Variants in ACAA2 observed in about 807,000 individuals in gnomAD.
The protein encoded by ACAA2 is 3-ketoacyl-CoA thiolase, mitochondrial.
A neutral mutation model predicts 44.8 loss-of-function variants in ACAA2; 35 were observed. The ratio of observed to expected loss-of-function variants is 0.78; its 90% CI spans 0.60 to 1.04. ACAA2 has a LOEUF of 1.04. Ranked by LOEUF, ACAA2 falls within the 50% of genes least tolerant of loss-of-function variation. The probability of loss-of-function intolerance (pLI) is 0.00; values close to 1 mark genes in which losing one functional copy is unlikely to be tolerated. For missense variants in ACAA2, 468 were observed against 482.6 expected, an observed-to-expected ratio of 0.97 and a Z score of 0.28; for synonymous variants, 142 against 166.5, an observed-to-expected ratio of 0.85 and a Z score of 1.13.
chr18:49,799,508 C>G (rs1214226445), intron 2 of ACAA2, among the ~76,000 whole-genome samples: 1 of 152,238 alleles, frequency 6.6e-6, no homozygotes, highest in Non-Finnish European at 1.5e-5. Context: ...GAGTCTTGTT[C>G]ACTCAGTGCT....
Position 49,813,510 on chromosome 18 carries a change from C to G in ACAA2, c.-26G>C, listed in dbSNP as rs1014633680. 1 of 1,239,336 alleles carries G rather than the reference C, an allele frequency of 8.1e-7. No individual in the cohort carries two copies. The highest frequency in any genetic ancestry group is 1.6e-5 in the African/African-American group (1 of 64,404). 76.8% of individuals were successfully genotyped at this position (1,239,336 alleles called of 1,614,324 possible). ...GGCGGCTGCTGGGTCGTCGGCGGCG[C>G]GGGTCTGTGGTGTGGGGGACGCTGA... On this transcript the variant is annotated 5_prime_UTR_variant, in exon 1 of 10. Coordinates refer to ENST00000285093, the MANE Select transcript of ACAA2 (RefSeq NM_006111.3).
intron 5 of ACAA2, among the ~76,000 whole-genome samples, 182 bp downstream of exon 5, chr18:49,794,098 C>T (rs1231420524): frequency 6.6e-6 from 1 of 151,986 alleles, no homozygotes; most frequent in Non-Finnish European, 1.5e-5. Context: ...AAGAGAAATT[C>T]CTAGTTAATT....
intron 2 of ACAA2, among the ~76,000 whole-genome samples, chr18:49,798,764 G>C (rs2143964669): frequency 6.6e-6 from 1 of 152,176 alleles, no homozygotes; most frequent in East Asian, 1.9e-4. Flanking sequence ...TGTTGACTGA[G>C]ATGAAATTAT....
Position 49,783,181 on chromosome 18 carries a change from T to TAA in ACAA2, c.*664_*665dup, listed in dbSNP as rs894912122. ...TGAATCTTGAGAACATTATATAAAG[T>TAA]AAAGTAAAATAAGCCAGTCACGAAA... On this transcript the variant is annotated 3_prime_UTR_variant, in exon 10 of 10. Transcript: ENST00000285093. The TAA allele has an allele frequency of 6.6e-6, 1 of 152,250 alleles. No individual in the cohort carries two copies. Among genetic ancestry groups the TAA allele is most frequent in the Non-Finnish European group, 1.5e-5 (1 of 68,088 alleles). The allele number at this position is 152,250 out of a possible 1,614,324, so 9.4% of individuals were successfully genotyped here.
chr18:49,788,400 T>C (rs1321931345), intron 7 of ACAA2, among the ~76,000 whole-genome samples: 2 of 152,222 alleles, frequency 1.3e-5, no homozygotes, highest in African/African-American at 2.4e-5. Context: ...AAATATAATA[T>C]TTATTTTGTC....
chr18:49,809,938 T>G (rs2023650534), intron 1 of ACAA2, among the ~76,000 whole-genome samples: 2 of 152,168 alleles, frequency 1.3e-5, no homozygotes, highest in Admixed American at 6.5e-5. Flanking sequence ...TAATGCAAAA[T>G]GTTAATAATA....
chr18:49,808,749 G>A (rs999773660), intron 1 of ACAA2, among the ~76,000 whole-genome samples: 9 of 152,042 alleles, frequency 5.9e-5, no homozygotes, highest in Non-Finnish European at 1.2e-4. Context: ...AAGATCACAA[G>A]GCAAAGGACA....
intron 8 of ACAA2, 138 bp from the exon 9 acceptor site, chr18:49,785,489 A>C: frequency 1.3e-6 from 1 of 793,914 alleles, no homozygotes; most frequent in Non-Finnish European, 2.0e-6. Flanking sequence ...TTTTATCTAC[A>C]ATCATTCTGC....
chr18:49,807,594 G>A (rs2023622905), intron 1 of ACAA2, among the ~76,000 whole-genome samples: 1 of 152,146 alleles, frequency 6.6e-6, no homozygotes, highest in Non-Finnish European at 1.5e-5. Context: ...CATTTTGGAA[G>A]GCCAAGGTGG....
At position 49,813,474 on chromosome 18, in the gene ACAA2, A is replaced by C. The variant is rs1334900695; in HGVS notation, c.11T>G (p.Leu4Arg). 8.0e-7 allele frequency: 1 copy of C among 1,242,270 alleles called. No homozygotes were observed. Among genetic ancestry groups the C allele is most frequent in the African/African-American group, 1.6e-5 (1 of 64,388 alleles). 77.0% of individuals were successfully genotyped at this position (1,242,270 alleles called of 1,614,324 possible). A position where few individuals can be genotyped will look rare whatever the true frequency, so the allele number is the denominator to read the frequency against. Residue 4 changes from leucine (L) to arginine (R), a missense_variant, in exon 1 of 10, where the codon CTC becomes CGC. Leu to Arg is a moderately radical substitution (Grantham distance 102). Transcript: ENST00000285093. Reference sequence around the variant, plus strand: ...GAGGAGGGGGCTGCGCTCACCTCGGAGCAGAGCCATGGCGGCTGCTGGGTC... The same window carrying C: ...GAGGAGGGGGCTGCGCTCACCTCGGCGCAGAGCCATGGCGGCTGCTGGGTC... MAL[L>R]RGVFVVAAKR... is the part of the protein sequence containing the mutation.
chr18:49,794,893 C>T (rs2023448268), intron 4 of ACAA2, among the ~76,000 whole-genome samples: 3 of 152,152 alleles, frequency 2.0e-5, no homozygotes, highest in Non-Finnish European at 4.4e-5. Context: ...CTGGTTCTAT[C>T]GGTTACTATG....
At chr18:49,789,088 C>T (rs2023367645) in intron 7 of ACAA2, among the ~76,000 whole-genome samples, 1 of 152,308 alleles carries the variant, frequency 6.6e-6, no homozygotes, top group Admixed American at 6.5e-5. Flanking sequence ...CAACCTCTAC[C>T]ATTGCCACCC....
chr18:49,801,659 C>T (rs617619), intron 2 of ACAA2, among the ~76,000 whole-genome samples: 127,953 of 151,392 alleles, frequency 0.85, 54,141 homozygotes, highest in East Asian at 0.95. Context: ...GGCCTAGTGA[C>T]TTCTGTGTCC....
chr18:49,813,369 C>A (rs1251007661), intron 1 of ACAA2, 100 bp downstream of exon 1: 3 of 982,772 alleles, frequency 3.1e-6, no homozygotes, highest in Non-Finnish European at 4.0e-6. Flanking sequence ...GTGAACTTCA[C>A]CCCACGACCC....
At chr18:49,793,179 A>G (rs947452493) in intron 5 of ACAA2, among the ~76,000 whole-genome samples, 1 of 152,220 alleles carries the variant, frequency 6.6e-6, no homozygotes, top group African/African-American at 2.4e-5. Context: ...AAATTATGGG[A>G]GCAATCACTA....
chr18:49,808,804 A>G (rs964415862), intron 1 of ACAA2, among the ~76,000 whole-genome samples: 1 of 152,334 alleles, frequency 6.6e-6, no homozygotes, highest in East Asian at 1.9e-4. Context: ...AACTCCTGAT[A>G]AGGGCCTATG....
intron 1 of ACAA2, among the ~76,000 whole-genome samples, chr18:49,808,482 G>C (rs529159330): frequency 6.6e-6 from 1 of 152,316 alleles, no homozygotes; most frequent in African/African-American, 2.4e-5. Flanking sequence ...ATATTTCAGT[G>C]TAGGTTCTAT....
intron 7 of ACAA2, 50 bp from the exon 8 acceptor site, chr18:49,787,411 T>C: frequency 8.0e-7 from 1 of 1,246,880 alleles, no homozygotes. Flanking sequence ...AAATGTCATC[T>C]TATATTTACG....
chr18:49,788,154 T>A (rs1413522520), intron 7 of ACAA2, among the ~76,000 whole-genome samples: 1 of 152,258 alleles, frequency 6.6e-6, no homozygotes, highest in Non-Finnish European at 1.5e-5. Flanking sequence ...GAGAGTTTAA[T>A]ATTGCTCATA....
Sources: allele counts gnomAD v4.1 joint callset (sites outside exome capture counted in the v4.1 genomes callset), GRCh38; gene constraint gnomAD v4.1.1; transcripts MANE v1.5; gene names NCBI Gene and HGNC (gene_info 2026-07-23, HGNC 2026-07-21).